EGFLAM: variants seen among roughly 807,000 people sequenced by gnomAD.
The protein encoded by EGFLAM is EGF like, fibronectin type III and laminin G domains.
Under a neutral mutation model 113.1 loss-of-function variants are expected in EGFLAM, and 79 were observed. That is an observed-to-expected ratio of 0.70 (90% CI 0.58 to 0.84). The LOEUF is 0.84. Ranked by LOEUF, EGFLAM falls within the 40% of genes least tolerant of loss-of-function variation. The pLI is 0.00. For missense variants in EGFLAM, 1,265 were observed against 1,291.6 expected (o/e 0.98, Z 0.32); for synonymous variants, 504 against 487.6 (o/e 1.03, Z -0.44).
chr5:38,429,525 A>G (rs1668683075), intron 14 of EGFLAM, among the ~76,000 whole-genome samples: 3 of 152,216 alleles, frequency 2.0e-5, no homozygotes, highest in African/African-American at 7.2e-5. Context: ...TAGAAATACA[A>G]ATGCAATAAT....
intron 6 of EGFLAM, among the ~76,000 whole-genome samples, chr5:38,380,118 T>C (rs1740471653): frequency 6.6e-6 from 1 of 152,198 alleles, no homozygotes; most frequent in South Asian, 2.1e-4. Flanking sequence ...ATTCTTAAAC[T>C]TTTTCCCCAG....
chr5:38,263,697 A>C (rs1165166030), intron 1 of EGFLAM, among the ~76,000 whole-genome samples: 1 of 152,128 alleles, frequency 6.6e-6, no homozygotes, highest in Non-Finnish European at 1.5e-5. Flanking sequence ...TTTTTTTGAA[A>C]GCTTAACCCG....
intron 1 of EGFLAM, among the ~76,000 whole-genome samples, chr5:38,309,298 C>T (rs1561272478): frequency 6.6e-6 from 1 of 152,210 alleles, no homozygotes; most frequent in Non-Finnish European, 1.5e-5. Flanking sequence ...ATTTACACCA[C>T]AGAAATTGGT....
Position 38,438,353 on chromosome 5 carries a change from T to C in EGFLAM, c.2362T>C (p.Cys788Arg). ...GAATGTGGAGAATGCGGCCCACCCC[T>C]GTGTGAGAGCCCCTTGTGCCCATGG... The part of the protein sequence containing the change: ...GVNVENAAHP[C>R]VRAPCAHGGS... Residue 788 changes from cysteine (C) to arginine (R), a missense_variant, in exon 17 of 22, where the codon TGT becomes CGT. Physicochemically the swap from Cys to Arg is radical, Grantham distance 180 (BLOSUM62 -3). Coordinates refer to ENST00000322350, the MANE Select transcript of EGFLAM (RefSeq NM_152403.4). The C allele has an allele frequency of 1.2e-6, 2 of 1,614,138 alleles. No homozygotes were observed. The highest frequency in any genetic ancestry group is 1.7e-6 in the Non-Finnish European group (2 of 1,180,018).
chr5:38,290,091 C>A (rs570768000), intron 1 of EGFLAM, among the ~76,000 whole-genome samples: 52 of 152,242 alleles, frequency 3.4e-4, no homozygotes, highest in African/African-American at 1.2e-3. Context: ...TTTCCAAAAT[C>A]AGACCACAGA....
chr5:38,452,792 C>G (rs7715172), intron 19 of EGFLAM, among the ~76,000 whole-genome samples: 16,050 of 152,202 alleles, frequency 0.11, 2,741 homozygotes, highest in African/African-American at 0.36. Flanking sequence ...TTACCGATAA[C>G]GCAGTGCCAG....
intron 1 of EGFLAM, among the ~76,000 whole-genome samples, chr5:38,303,450 C>G (rs531752340): frequency 4.6e-5 from 7 of 152,124 alleles, no homozygotes; most frequent in Non-Finnish European, 7.3e-5. Context: ...AACAAAGAGT[C>G]TATAAAATGC....
rs188336967 is a variant in EGFLAM, at chr5:38,320,784, C to T, written c.98-16736C>T. 2.2e-3 allele frequency among the ~76,000 whole-genome samples: 332 copies of T among 152,162 alleles called. 1 individual carries two copies. Among genetic ancestry groups the T allele is most frequent in the African/African-American group, 7.5e-3 (312 of 41,512 alleles). On this transcript the variant is annotated intron_variant, in intron 1 of 21. Coordinates refer to ENST00000322350, the MANE Select transcript of EGFLAM (RefSeq NM_152403.4). ...AGACAGGGCTCTGGAGCAAGGTCACCTTTCCAAACAAGGTGTGGAGGAACC... is the reference window on the plus strand; with the variant it reads ...AGACAGGGCTCTGGAGCAAGGTCACTTTTCCAAACAAGGTGTGGAGGAACC...
chr5:38,378,612 G>A (rs748331584), intron 6 of EGFLAM, among the ~76,000 whole-genome samples: 25 of 152,194 alleles, frequency 1.6e-4, no homozygotes, highest in Non-Finnish European at 2.9e-4. Flanking sequence ...TACAGCTGCA[G>A]CCTCTTTCAA....
intron 1 of EGFLAM, among the ~76,000 whole-genome samples, chr5:38,323,631 A>G (rs1056139434): frequency 6.6e-5 from 10 of 152,194 alleles, no homozygotes; most frequent in Admixed American, 1.3e-4. Flanking sequence ...TGTCTCACAC[A>G]TAAGTGGCCT....
intron 1 of EGFLAM, among the ~76,000 whole-genome samples, chr5:38,287,317 G>A (rs62352432): frequency 6.6e-5 from 10 of 152,172 alleles, no homozygotes; most frequent in East Asian, 5.8e-4. Context: ...GAGTTAAGGC[G>A]TATATGTGCC....
chr5:38,329,646 T>C (rs1738989239), intron 1 of EGFLAM, among the ~76,000 whole-genome samples: 1 of 152,172 alleles, frequency 6.6e-6, no homozygotes. Flanking sequence ...TAGTTGTATA[T>C]TCGTGGTTCG....
At chr5:38,350,814 G>C (rs894376702) in intron 4 of EGFLAM, among the ~76,000 whole-genome samples, 196 bp downstream of exon 4, 2 of 152,178 alleles carry the variant, frequency 1.3e-5, no homozygotes, top group Non-Finnish European at 2.9e-5. Flanking sequence ...TCATTAGTGT[G>C]TAGTTGCAGA....
chr5:38,444,935 ACT>A (rs1742659665), intron 17 of EGFLAM, among the ~76,000 whole-genome samples: 1 of 152,158 alleles, frequency 6.6e-6, no homozygotes, highest in South Asian at 2.1e-4. Flanking sequence ...ACAGAGCAAG[ACT>A]CTGTCTCAAA....
chr5:38,433,091 C>T (rs550950702), intron 15 of EGFLAM, among the ~76,000 whole-genome samples: 1 of 152,318 alleles, frequency 6.6e-6, no homozygotes, highest in African/African-American at 2.4e-5. Flanking sequence ...AAACCTTCAT[C>T]AAGTCTTTTC....
At chr5:38,267,717 G>T (rs897266709) in intron 1 of EGFLAM, among the ~76,000 whole-genome samples, 1 of 152,170 alleles carries the variant, frequency 6.6e-6, no homozygotes, top group African/African-American at 2.4e-5. Context: ...ATTGTGCCAT[G>T]CCAGTGGTTA....
intron 1 of EGFLAM, among the ~76,000 whole-genome samples, chr5:38,330,548 A>G (rs951613640): frequency 6.6e-6 from 1 of 152,154 alleles, no homozygotes; most frequent in Non-Finnish European, 1.5e-5. Context: ...CAGTCTTTCT[A>G]CCAATTTCCA....
chr5:38,458,470 C>G lies in EGFLAM; in HGVS notation c.2771+76C>G, dbSNP rs552514092. 2.2e-5 allele frequency: 32 copies of G among 1,440,726 alleles called. No homozygotes were observed. In the African/African-American group the frequency reaches 4.2e-4, roughly 19 times the overall value. The allele number at this position is 1,440,726 out of a possible 1,614,324, so 89.2% of individuals were successfully genotyped here. A position where few individuals can be genotyped will look rare whatever the true frequency, so the allele number is the denominator to read the frequency against. On this transcript the variant is annotated intron_variant, in intron 20 of 21. Coordinates refer to ENST00000322350, the MANE Select transcript of EGFLAM (RefSeq NM_152403.4). ...ATGTGGTGTCCAGTTCCCTTGTAGT[C>G]CCACTGTCCTGTTCCCCAACTTTGC...
chr5:38,266,485 C>T (rs1469984299), intron 1 of EGFLAM, among the ~76,000 whole-genome samples: 1 of 152,170 alleles, frequency 6.6e-6, no homozygotes, highest in African/African-American at 2.4e-5. Context: ...ATTGTTTAAT[C>T]TGGACAAGGA....
Sources: gnomAD v4.1 joint callset for allele counts (sites outside exome capture counted in the v4.1 genomes callset) on GRCh38, gnomAD v4.1.1 for gene constraint, MANE v1.5 for transcripts, NCBI Gene and HGNC (gene_info 2026-07-23, HGNC 2026-07-21) for gene names.